Variants in OCA2 observed in about 807,000 individuals in gnomAD.
OCA2 encodes OCA2 melanosomal transmembrane protein.
In OCA2, 77 loss-of-function variants were observed where a neutral mutation model predicts 100.2. That is an observed-to-expected ratio of 0.77 (90% CI 0.64 to 0.93). OCA2 has a LOEUF of 0.93. OCA2 is among the 40% of genes least tolerant of loss of function. The pLI is 0.00. For missense variants in OCA2, 1,062 were observed against 1,089.1 expected, an observed-to-expected ratio of 0.98 and a Z score of 0.35; for synonymous variants, 432 against 439.2, an observed-to-expected ratio of 0.98 and a Z score of 0.21.
chr15:28,021,901 T>TA (rs995204553), intron 6 of OCA2, among the ~76,000 whole-genome samples: 1 of 152,100 alleles, frequency 6.6e-6, no homozygotes, highest in African/African-American at 2.4e-5. Context: ...TCTGAGTGTC[T>TA]AGTGCACCGC....
intron 4 of OCA2, 148 bp from the exon 5 acceptor site, chr15:28,025,050 A>AT (rs2042708298): frequency 1.3e-6 from 1 of 773,410 alleles, no homozygotes; most frequent in Non-Finnish European, 2.3e-6. Flanking sequence ...GAACACCCTC[A>AT]TATCAGTGAC....
the OCA2 span, among the ~76,000 whole-genome samples, chr15:27,732,595 G>A: frequency 1.1e-4 from 17 of 152,210 alleles, no homozygotes; most frequent in African/African-American, 4.1e-4. Context: ...ATGTGTGGGT[G>A]TGCAAGCCCC....
intron 19 of OCA2, among the ~76,000 whole-genome samples, chr15:27,894,021 C>T (rs538301383): frequency 6.6e-6 from 1 of 152,166 alleles, no homozygotes; most frequent in African/African-American, 2.4e-5. Context: ...TTAATAAAAG[C>T]TTGCTGGTCT....
the OCA2 span, among the ~76,000 whole-genome samples, chr15:27,725,394 T>C: frequency 2.6e-5 from 4 of 152,086 alleles, no homozygotes; most frequent in Non-Finnish European, 4.4e-5. Context: ...CTGGCCAACA[T>C]GGTGAAACCC....
chr15:28,008,589 C>T (rs192152159), intron 9 of OCA2, among the ~76,000 whole-genome samples: 9 of 152,334 alleles, frequency 5.9e-5, no homozygotes, highest in South Asian at 2.1e-4. Context: ...AAGGTGGACA[C>T]GTCAGGTTAT....
intron 2 of OCA2, among the ~76,000 whole-genome samples, chr15:28,044,519 C>T (rs1412452822): frequency 6.6e-6 from 1 of 152,230 alleles, no homozygotes; most frequent in Non-Finnish European, 1.5e-5. Context: ...GCACATTTCT[C>T]TGCAGATGGC....
intron 2 of OCA2, among the ~76,000 whole-genome samples, chr15:28,074,910 A>G (rs959524744): frequency 3.3e-5 from 5 of 152,248 alleles, no homozygotes; most frequent in African/African-American, 1.2e-4. Context: ...TGACAAAGAT[A>G]CAAGGCAATT....
intron 19 of OCA2, among the ~76,000 whole-genome samples, chr15:27,886,090 T>G (rs954538732): frequency 1.3e-5 from 2 of 152,100 alleles, no homozygotes; most frequent in African/African-American, 4.8e-5. Context: ...GGGAAGAGCA[T>G]CCCACGTAGA....
At chr15:27,989,799 C>T in intron 10 of OCA2, 133 bp from the exon 11 acceptor site, 1 of 769,332 alleles carries the variant, frequency 1.3e-6, no homozygotes, top group East Asian at 2.7e-5. Flanking sequence ...CATCCACTTG[C>T]CTTTGAAGTT....
intron 2 of OCA2, among the ~76,000 whole-genome samples, chr15:28,034,996 G>C (rs536999062): frequency 6.6e-6 from 1 of 152,138 alleles, no homozygotes; most frequent in Non-Finnish European, 1.5e-5. Context: ...GAGTGGAGGC[G>C]CTATTGCTCC....
chr15:27,887,503 C>A (rs1408696455), intron 19 of OCA2, among the ~76,000 whole-genome samples: 8 of 150,952 alleles, frequency 5.3e-5, no homozygotes, highest in African/African-American at 1.9e-4. Context: ...CTGGACAGAA[C>A]CTGAGGAGGG....
intron 19 of OCA2, among the ~76,000 whole-genome samples, chr15:27,918,600 A>G (rs1399215725): frequency 6.6e-6 from 1 of 152,218 alleles, no homozygotes; most frequent in Non-Finnish European, 1.5e-5. Context: ...TTCAGTCACA[A>G]ATGAAAATTC....
intron 19 of OCA2, among the ~76,000 whole-genome samples, chr15:27,913,903 G>GAAAGAAAGAAAGAAAGAAAGAA (rs1567098836): frequency 2.5e-5 from 1 of 39,972 alleles, no homozygotes; most frequent in African/African-American, 1.1e-4. Context: ...AAGCAAGCAA[G>GAAAGAAAGAAAGAAAGAAAGAA]CAAGCAAGCA....
chr15:27,767,264 A>C (rs973268406), intron 23 of OCA2, among the ~76,000 whole-genome samples: 1 of 151,340 alleles, frequency 6.6e-6, no homozygotes, highest in African/African-American at 2.4e-5. Context: ...GACTGGCCTA[A>C]AGAGTTCCCT....
Position 27,766,633 on chromosome 15 carries a change from G to T in OCA2, c.2433-11161C>A, listed in dbSNP as rs577702264. Among the ~76,000 whole-genome samples the T allele has an allele frequency of 3.9e-5, 6 of 152,276 alleles. No individual in the cohort carries two copies. In the East Asian group the frequency reaches 1.2e-3, roughly 29 times the overall value. On this transcript the variant is annotated intron_variant, in intron 23 of 23. Transcript: ENST00000354638. ...GTCTGAAACTCTGCTTTGTTAAATG[G>T]ACACAGAGGGTGTCCTCTCACCTAC...
chr15:27,913,963 C>A (rs909597904), intron 19 of OCA2, among the ~76,000 whole-genome samples: 2 of 150,586 alleles, frequency 1.3e-5, no homozygotes, highest in African/African-American at 4.9e-5. Context: ...GCCAATATCC[C>A]TGATGAACAT....
At chr15:27,883,176 G>A (rs542675757) in intron 19 of OCA2, among the ~76,000 whole-genome samples, 1 of 152,276 alleles carries the variant, frequency 6.6e-6, no homozygotes, top group Non-Finnish European at 1.5e-5. Flanking sequence ...AGGATTACTA[G>A]CTACCTATGC....
intron 23 of OCA2, among the ~76,000 whole-genome samples, chr15:27,840,836 G>T (rs75677560): frequency 6.6e-6 from 1 of 152,264 alleles, no homozygotes; most frequent in South Asian, 2.1e-4. Flanking sequence ...AAAGGGCATA[G>T]GAGATAATCT....
At chr15:27,852,020 C>T (rs1354188886) in intron 21 of OCA2, among the ~76,000 whole-genome samples, 1 of 152,178 alleles carries the variant, frequency 6.6e-6, no homozygotes, top group Non-Finnish European at 1.5e-5. Flanking sequence ...TGCTCCCTGC[C>T]AGGCACCCTG....
Sources: gnomAD v4.1 joint callset for allele counts (sites outside exome capture counted in the v4.1 genomes callset) on GRCh38, gnomAD v4.1.1 for gene constraint, MANE v1.5 for transcripts, NCBI Gene and HGNC (gene_info 2026-07-23, HGNC 2026-07-21) for gene names.